The following CDC42SE2 variants were observed in gnomAD, a reference collection of about 807,000 sequenced individuals.
The protein encoded by CDC42SE2 is CDC42 small effector protein 2.
CDC42SE2 carries 3 observed loss-of-function variants against 11.5 expected under a neutral mutation model. The ratio of observed to expected loss-of-function variants is 0.26; its 90% CI spans 0.12 to 0.67. The LOEUF is 0.67. Ranked by LOEUF, CDC42SE2 falls within the 30% of genes least tolerant of loss-of-function variation. The pLI is 0.80. For synonymous variants in CDC42SE2, 33 were observed against 34.8 expected, an observed-to-expected ratio of 0.95 and a Z score of 0.18; for missense variants, 82 against 106.8, an observed-to-expected ratio of 0.77 and a Z score of 1.02.
At chr5:131,280,871 G>A (rs114469565) in intron 1 of CDC42SE2, among the ~76,000 whole-genome samples, 2,561 of 152,256 alleles carry the variant, frequency 0.017, 36 homozygotes, top group South Asian at 0.067. Context: ...CCCTTTTTAT[G>A]TGTGAGAATG....
At chr5:131,243,597 A>G (rs60745360), upstream of CDC42SE2, among the ~76,000 whole-genome samples, 2,633 of 152,332 alleles carry the variant, frequency 0.017, 81 homozygotes, top group African/African-American at 0.06. Context: ...AAAAAAATAA[A>G]GTAAAATAAT....
the CDC42SE2 span, among the ~76,000 whole-genome samples, chr5:131,220,292 C>T: frequency 1.2e-4 from 19 of 152,048 alleles, no homozygotes; most frequent in Admixed American, 2.0e-4. Context: ...CTGCAACCTC[C>T]GTCTCCCGGT....
upstream of CDC42SE2, among the ~76,000 whole-genome samples, chr5:131,240,716 G>T (rs1756533651): frequency 6.6e-6 from 1 of 152,086 alleles, no homozygotes; most frequent in Non-Finnish European, 1.5e-5. Context: ...ATTCCCAATT[G>T]CTTTTAAACA....
At chr5:131,237,247 A>T in the CDC42SE2 span, among the ~76,000 whole-genome samples, 2 of 152,260 alleles carry the variant, frequency 1.3e-5, no homozygotes, top group African/African-American at 2.4e-5. Context: ...AGACTGCCTC[A>T]ATCAGCTTGT....
At chr5:131,382,159 C>G (rs1750346619) in intron 3 of CDC42SE2, among the ~76,000 whole-genome samples, 1 of 152,180 alleles carries the variant, frequency 6.6e-6, no homozygotes, top group Non-Finnish European at 1.5e-5. Context: ...TATCTAATAA[C>G]ACAGTATGAT....
At chr5:131,307,670 T>A (rs1169794802) in intron 1 of CDC42SE2, among the ~76,000 whole-genome samples, 3 of 152,178 alleles carry the variant, frequency 2.0e-5, no homozygotes, top group African/African-American at 7.2e-5. Context: ...TGAACTAGTT[T>A]ACAGTCCCAC....
the CDC42SE2 span, among the ~76,000 whole-genome samples, chr5:131,217,587 A>T: frequency 1.2e-4 from 19 of 152,238 alleles, no homozygotes; most frequent in Admixed American, 1.2e-3. Flanking sequence ...TGGTATGTAG[A>T]TCTAAACATA....
intron 2 of CDC42SE2, among the ~76,000 whole-genome samples, chr5:131,348,855 T>A (rs528711445): frequency 6.6e-6 from 1 of 152,172 alleles, no homozygotes; most frequent in Non-Finnish European, 1.5e-5. Context: ...ACCCATCTGA[T>A]CTTTGAGAAA....
chr5:131,227,579 G>T, the CDC42SE2 span, among the ~76,000 whole-genome samples: 1 of 152,198 alleles, frequency 6.6e-6, no homozygotes, highest in African/African-American at 2.4e-5. Context: ...TTAATTTATA[G>T]AATTTTATTT....
intron 3 of CDC42SE2, among the ~76,000 whole-genome samples, chr5:131,373,302 A>T (rs987096774): frequency 5.3e-5 from 8 of 152,232 alleles, no homozygotes; most frequent in African/African-American, 1.9e-4. Context: ...TAATAAAAAA[A>T]TAGATGGGAT....
intron 3 of CDC42SE2, among the ~76,000 whole-genome samples, chr5:131,362,849 T>A (rs1259035735): frequency 6.6e-6 from 1 of 152,166 alleles, no homozygotes; most frequent in Admixed American, 6.5e-5. Context: ...TTTAATTTTT[T>A]AAAAAGATTT....
intron 2 of CDC42SE2, among the ~76,000 whole-genome samples, chr5:131,353,636 T>A (rs1749434969): frequency 6.6e-6 from 1 of 152,162 alleles, no homozygotes; most frequent in Non-Finnish European, 1.5e-5. Flanking sequence ...CTGGGCATGG[T>A]GGCTCATGCC....
chr5:131,361,042 T>C (rs1200896911), intron 3 of CDC42SE2, among the ~76,000 whole-genome samples: 1 of 151,142 alleles, frequency 6.6e-6, no homozygotes, highest in Non-Finnish European at 1.5e-5. Context: ...TATTTCATAA[T>C]ACATATGTAA....
intron 2 of CDC42SE2, among the ~76,000 whole-genome samples, chr5:131,329,778 C>T (rs1758377274): frequency 6.7e-6 from 1 of 149,606 alleles, no homozygotes; most frequent in African/African-American, 2.5e-5. Flanking sequence ...ACTTGGGAGG[C>T]TGAGGCAGGA....
chr5:131,266,582 C>T (rs1192853054), intron 1 of CDC42SE2, among the ~76,000 whole-genome samples: 5 of 151,604 alleles, frequency 3.3e-5, no homozygotes, highest in Non-Finnish European at 7.4e-5. Flanking sequence ...GCCTCAGCCT[C>T]CCATGTAGCT....
At chr5:131,305,824 T>C (rs965174649) in intron 1 of CDC42SE2, among the ~76,000 whole-genome samples, 4 of 152,220 alleles carry the variant, frequency 2.6e-5, no homozygotes, top group Non-Finnish European at 5.9e-5. Context: ...AAACTAAAAA[T>C]TGCTCAGACC....
chr5:131,352,973 T>A (rs897209037), intron 2 of CDC42SE2, among the ~76,000 whole-genome samples: 1 of 152,000 alleles, frequency 6.6e-6, no homozygotes. Flanking sequence ...TGCTCATTGT[T>A]AGTTTTTTTT....
chr5:131,294,006 T>G (rs1757517826), intron 1 of CDC42SE2, among the ~76,000 whole-genome samples: 1 of 152,152 alleles, frequency 6.6e-6, no homozygotes, highest in Non-Finnish European at 1.5e-5. Context: ...TTACTGGAAG[T>G]AATGTCACAC....
the CDC42SE2 span, among the ~76,000 whole-genome samples, chr5:131,232,204 C>A: frequency 6.6e-6 from 1 of 152,018 alleles, no homozygotes; most frequent in Non-Finnish European, 1.5e-5. Context: ...GCCTTGACTT[C>A]CCGAACTCAG....
Sources: gnomAD v4.1 joint callset for allele counts (sites outside exome capture counted in the v4.1 genomes callset) on GRCh38, gnomAD v4.1.1 for gene constraint, MANE v1.5 for transcripts, NCBI Gene and HGNC (gene_info 2026-07-23, HGNC 2026-07-21) for gene names.